The following CSNK1G3 variants were observed in gnomAD, a reference collection of about 807,000 sequenced individuals.
CSNK1G3 encodes casein kinase 1 gamma 3, also known as casein kinase I isoform gamma-3.
In CSNK1G3, 23 loss-of-function variants were observed where a neutral mutation model predicts 64.3. The observed-to-expected ratio is 0.36, with a 90% CI of 0.26 to 0.51. CSNK1G3 has a LOEUF of 0.51. CSNK1G3 is among the 20% of genes least tolerant of loss of function. CSNK1G3 has a pLI of 0.96. For synonymous variants in CSNK1G3, 158 were observed against 162.2 expected (o/e 0.97, Z 0.20); for missense variants, 357 against 510.5 (o/e 0.70, Z 2.90).
At chr5:123,531,122 G>A (rs1386617312) in intron 1 of CSNK1G3, among the ~76,000 whole-genome samples, 3 of 152,018 alleles carry the variant, frequency 2.0e-5, no homozygotes, top group African/African-American at 4.8e-5. Flanking sequence ...TTGAGATAAC[G>A]AAGCAGTGGG....
chr5:123,536,238 A>G (rs1032023882), intron 1 of CSNK1G3, among the ~76,000 whole-genome samples: 1 of 152,068 alleles, frequency 6.6e-6, no homozygotes, highest in African/African-American at 2.4e-5. Flanking sequence ...GTGGGATGGA[A>G]GACAAGGGGT....
chr5:123,543,371 A>G (rs1244147037), intron 1 of CSNK1G3, among the ~76,000 whole-genome samples: 1 of 152,096 alleles, frequency 6.6e-6, no homozygotes, highest in African/African-American at 2.4e-5. Flanking sequence ...TAGGAACTTT[A>G]GAGTCTCTCA....
intron 10 of CSNK1G3, among the ~76,000 whole-genome samples, chr5:123,598,793 T>G (rs188442174): frequency 6.6e-6 from 1 of 152,116 alleles, no homozygotes; most frequent in African/African-American, 2.4e-5. Context: ...TGACTAGTGT[T>G]TTCTAAAGAT....
intron 10 of CSNK1G3, among the ~76,000 whole-genome samples, chr5:123,593,527 G>A (rs1391970593): frequency 3.3e-5 from 5 of 151,910 alleles, no homozygotes; most frequent in Non-Finnish European, 7.4e-5. Context: ...AGGGCGTGTA[G>A]CTCTTACTAT....
chr5:123,578,739 T>TTA (rs1001224688), intron 6 of CSNK1G3, among the ~76,000 whole-genome samples: 2 of 151,944 alleles, frequency 1.3e-5, no homozygotes, highest in Non-Finnish European at 2.9e-5. Flanking sequence ...TCTAGAAGCT[T>TTA]TATAGTTTTA....
intron 10 of CSNK1G3, among the ~76,000 whole-genome samples, chr5:123,604,175 A>G (rs1794953400): frequency 6.6e-6 from 1 of 151,992 alleles, no homozygotes; most frequent in Admixed American, 6.6e-5. Flanking sequence ...CCATTTATGG[A>G]TTAGATGTGG....
chr5:123,596,294 G>A (rs1056175366), intron 10 of CSNK1G3, among the ~76,000 whole-genome samples: 2 of 152,082 alleles, frequency 1.3e-5, no homozygotes, highest in Non-Finnish European at 2.9e-5. Flanking sequence ...AGGCAAGAGT[G>A]TCTAAATTGT....
chr5:123,547,806 T>C lies in CSNK1G3; in HGVS notation c.178+1965T>C, dbSNP rs936338042. 2.0e-5 allele frequency among the ~76,000 whole-genome samples: 3 copies of C among 152,152 alleles called. 1 individual carries two copies. The highest frequency in any genetic ancestry group is 7.2e-5 in the African/African-American group (3 of 41,434). On this transcript the variant is annotated intron_variant, in intron 2 of 12. Coordinates refer to ENST00000345990, the Ensembl canonical transcript of CSNK1G3. ...ATAGAGCTAATTTAATCATTTATTC[T>C]TCCTTTTTCATAGACTTCTAAAAGG...
At chr5:123,605,283 T>G in intron 11 of CSNK1G3, 56 bp from the exon 13 acceptor site, 2 of 1,485,896 alleles carry the variant, frequency 1.3e-6, no homozygotes, top group South Asian at 2.5e-5. Flanking sequence ...GAGCTGTTTC[T>G]GATTCTCTCT....
intron 4 of CSNK1G3, among the ~76,000 whole-genome samples, chr5:123,570,853 A>T (rs1265545338): frequency 1.3e-5 from 2 of 152,184 alleles, no homozygotes; most frequent in African/African-American, 4.8e-5. Flanking sequence ...AAAAAGCATT[A>T]TGGAAAGAAT....
At chr5:123,614,570 T>C (rs1749132815) in exon 13 of CSNK1G3, 3 of 509,400 alleles carry the variant, frequency 5.9e-6, no homozygotes, top group Non-Finnish European at 1.0e-5. Context: ...CTTTTTTTTT[T>C]TTTCTCTAAT....
intron 1 of CSNK1G3, among the ~76,000 whole-genome samples, chr5:123,530,848 A>C (rs1431001754): frequency 2.6e-5 from 4 of 152,184 alleles, no homozygotes; most frequent in Non-Finnish European, 4.4e-5. Flanking sequence ...CATTACAGTT[A>C]ATGATTTAGC....
intron 10 of CSNK1G3, among the ~76,000 whole-genome samples, chr5:123,595,670 G>A (rs1793300970): frequency 6.6e-6 from 1 of 152,058 alleles, no homozygotes; most frequent in African/African-American, 2.4e-5. Flanking sequence ...TTAATAAGAA[G>A]TGTTTATTAA....
intron 12 of CSNK1G3, among the ~76,000 whole-genome samples, chr5:123,613,034 G>A (rs114803969): frequency 2.2e-4 from 34 of 152,094 alleles, no homozygotes; most frequent in African/African-American, 8.2e-4. Flanking sequence ...ACTGTTTAAA[G>A]GTTAAAAGAA....
chr5:123,547,591 T>C (rs931947302), intron 2 of CSNK1G3, among the ~76,000 whole-genome samples: 6 of 152,144 alleles, frequency 3.9e-5, no homozygotes, highest in African/African-American at 1.4e-4. Flanking sequence ...CCCTTTCTTT[T>C]GTAGTCTGTG....
chr5:123,531,092 C>T (rs1779859259), intron 1 of CSNK1G3, among the ~76,000 whole-genome samples: 1 of 152,148 alleles, frequency 6.6e-6, no homozygotes, highest in East Asian at 1.9e-4. Flanking sequence ...GTTTCATATA[C>T]TAAATTTGGA....
chr5:123,595,506 T>C (rs1443225084), intron 10 of CSNK1G3, among the ~76,000 whole-genome samples: 1 of 152,188 alleles, frequency 6.6e-6, no homozygotes, highest in African/African-American at 2.4e-5. Flanking sequence ...TTCCCATTCA[T>C]TGACTTTGCC....
chr5:123,588,822 G>T (rs2150954075), intron 8 of CSNK1G3, among the ~76,000 whole-genome samples: 1 of 152,124 alleles, frequency 6.6e-6, no homozygotes, highest in South Asian at 2.1e-4. Context: ...CAAAGTTTTG[G>T]TATTCAGTGT....
At chr5:123,529,199 T>A (rs1779532111) in intron 1 of CSNK1G3, among the ~76,000 whole-genome samples, 1 of 152,202 alleles carries the variant, frequency 6.6e-6, no homozygotes, top group South Asian at 2.1e-4. Flanking sequence ...ATCAGAGATG[T>A]GTATTAAATA....
Sources: allele counts gnomAD v4.1 joint callset (sites outside exome capture counted in the v4.1 genomes callset), GRCh38; gene constraint gnomAD v4.1.1; transcripts MANE v1.5; gene names NCBI Gene and HGNC (gene_info 2026-07-23, HGNC 2026-07-21).